THEMIS: variants seen among roughly 807,000 people sequenced by gnomAD.
THEMIS encodes protein THEMIS.
THEMIS carries 37 observed loss-of-function variants against 52.6 expected under a neutral mutation model. The observed-to-expected ratio is 0.70, with a 90% CI of 0.54 to 0.93. The LOEUF (loss-of-function observed/expected upper bound fraction) is 0.93. Ranked by LOEUF, THEMIS falls within the 40% of genes least tolerant of loss-of-function variation. The pLI is 0.00. For missense variants in THEMIS, 808 were observed against 763.1 expected, an observed-to-expected ratio of 1.06 and a Z score of -0.69; for synonymous variants, 292 against 272.7, an observed-to-expected ratio of 1.07 and a Z score of -0.70.
At position 127,800,292 on chromosome 6, in the gene THEMIS, T is replaced by C. The variant is rs577163553; in HGVS notation, c.1758+12591A>G. Among the ~76,000 whole-genome samples the C allele has an allele frequency of 2.0e-4, 31 of 152,120 alleles. No individual in the cohort carries two copies. In the South Asian group the frequency reaches 6.2e-3, roughly 31 times the overall value. On this transcript the variant is annotated intron_variant, in intron 4 of 5. Transcript: ENST00000368248. ...TAATATATTTCCTTTGTTCCTTATA[T>C]TTTGGACTTCCTCAGAAAAAAAATT...
intron 5 of THEMIS, among the ~76,000 whole-genome samples, chr6:127,713,459 A>G (rs1416514412): frequency 1.3e-5 from 2 of 151,890 alleles, no homozygotes; most frequent in Non-Finnish European, 2.9e-5. Flanking sequence ...ACACTTTCCT[A>G]TAACCTAAGG....
chr6:127,777,708 C>T (rs1039897689), intron 4 of THEMIS, among the ~76,000 whole-genome samples: 6 of 152,068 alleles, frequency 3.9e-5, no homozygotes, highest in East Asian at 3.8e-4. Flanking sequence ...GTTATCTTTA[C>T]GTTCTTTCAG....
Position 127,899,949 on chromosome 6 carries a change from C to T in THEMIS, c.91+893G>A, listed in dbSNP as rs73773941. On this transcript the variant is annotated intron_variant, in intron 1 of 5. Coordinates refer to ENST00000368248, the MANE Select transcript of THEMIS (RefSeq NM_001010923.3). Reference sequence around the variant, plus strand: ...TAATATATATAAAAACTGGAGCTGACGTGTTAATCTTTCTTTTACTTTGCA... The same window carrying T: ...TAATATATATAAAAACTGGAGCTGATGTGTTAATCTTTCTTTTACTTTGCA... Among the ~76,000 whole-genome samples the T allele has an allele frequency of 5.3e-3, 782 of 148,196 alleles. 6 individuals are homozygous for T. The highest frequency in any genetic ancestry group is 0.018 in the African/African-American group (740 of 40,632).
At chr6:127,739,429 C>T (rs1484029120) in intron 4 of THEMIS, among the ~76,000 whole-genome samples, 3 of 152,094 alleles carry the variant, frequency 2.0e-5, no homozygotes, top group Non-Finnish European at 1.5e-5. Context: ...AGGCGGATAA[C>T]GAGGTCAGGA....
chr6:127,853,663 C>T (rs1313477363), intron 2 of THEMIS, among the ~76,000 whole-genome samples: 3 of 151,652 alleles, frequency 2.0e-5, no homozygotes, highest in South Asian at 4.1e-4. Context: ...CTTTTCCTGA[C>T]TCCTCCAATG....
chr6:127,840,673 C>T (rs958591938), intron 2 of THEMIS, among the ~76,000 whole-genome samples: 3 of 152,054 alleles, frequency 2.0e-5, no homozygotes, highest in African/African-American at 7.2e-5. Flanking sequence ...CAGCCTTATT[C>T]GTAATTGCCA....
At chr6:127,757,286 T>C (rs1350919620) in intron 4 of THEMIS, among the ~76,000 whole-genome samples, 3 of 152,188 alleles carry the variant, frequency 2.0e-5, no homozygotes, top group Non-Finnish European at 4.4e-5. Flanking sequence ...TGGGTAAATA[T>C]ACAAATTTTT....
chr6:127,900,825 T>C lies in THEMIS; in HGVS notation c.91+17A>G, dbSNP rs1583411471. 6.2e-7 allele frequency: 1 copy of C among 1,602,234 alleles called. No individual in the cohort carries two copies. The highest frequency in any genetic ancestry group is 8.5e-7 in the Non-Finnish European group (1 of 1,169,660). ...ACAAGAATGTTCTAGCCAGTAAAGG[T>C]ATTGGAGAGTGCTTACCTTCAAGAT... On this transcript the variant is annotated intron_variant, in intron 1 of 5. Transcript: ENST00000368248.
intron 2 of THEMIS, among the ~76,000 whole-genome samples, chr6:127,846,752 A>G (rs1209181987): frequency 2.0e-5 from 3 of 151,876 alleles, no homozygotes; most frequent in Non-Finnish European, 4.4e-5. Context: ...TATTCCAAAA[A>G]AATAGAGAAA....
At chr6:127,773,066 C>CT (rs1776440940) in intron 4 of THEMIS, among the ~76,000 whole-genome samples, 1 of 152,080 alleles carries the variant, frequency 6.6e-6, no homozygotes, top group Admixed American at 6.5e-5. Flanking sequence ...ATCTAAGTAA[C>CT]TTTTTGCATG....
At chr6:127,763,727 T>C (rs578106561) in intron 4 of THEMIS, among the ~76,000 whole-genome samples, 48 of 151,952 alleles carry the variant, frequency 3.2e-4, no homozygotes, top group Non-Finnish European at 5.2e-4. Context: ...CTGAGATGTG[T>C]ATAATATAAG....
At chr6:127,847,074 A>T (rs1431339429) in intron 2 of THEMIS, among the ~76,000 whole-genome samples, 1 of 152,044 alleles carries the variant, frequency 6.6e-6, no homozygotes, top group Admixed American at 6.6e-5. Flanking sequence ...CATTTGATAA[A>T]ATTCAGCATC....
chr6:127,813,750 G>A lies in THEMIS; in HGVS notation c.891C>T (p.Pro297=), dbSNP rs749775947. The part of the protein sequence containing the change: ...VIEAPEGNHL[P]QSILQPGKTI... ...TTTTCCCAGGCTGTAAAATGCTTTG[G>A]GGCAGGTGGTTTCCTTCAGGTGCTT... is the stretch of plus-strand genomic sequence containing the variant. The change falls in exon 4 of 6, where the codon CCC becomes CCT. Residue 297 remains proline (P), a synonymous_variant. Coordinates refer to ENST00000368248, the MANE Select transcript of THEMIS (RefSeq NM_001010923.3). 3.7e-5 allele frequency: 60 copies of A among 1,613,838 alleles called. No homozygotes were observed. The South Asian group carries it at 6.3e-4, about 17-fold the overall frequency.
chr6:127,815,023 G>T (rs1396592182), intron 3 of THEMIS, among the ~76,000 whole-genome samples: 1 of 152,050 alleles, frequency 6.6e-6, no homozygotes, highest in African/African-American at 2.4e-5. Context: ...AGCTGAATCT[G>T]GTGGCATGTC....
At chr6:127,900,481 A>T (rs953728891) in intron 1 of THEMIS, among the ~76,000 whole-genome samples, 2 of 152,090 alleles carry the variant, frequency 1.3e-5, no homozygotes, top group African/African-American at 2.4e-5. Flanking sequence ...TTGTTTTAGC[A>T]AGCTAAATTT....
At chr6:127,913,503 T>C (rs566558703) in intron 1 of THEMIS, among the ~76,000 whole-genome samples, 2 of 152,262 alleles carry the variant, frequency 1.3e-5, no homozygotes. Context: ...ACTTGACATA[T>C]TTGTTGTATT....
intron 4 of THEMIS, among the ~76,000 whole-genome samples, chr6:127,776,209 G>C (rs1232363110): frequency 6.6e-6 from 1 of 152,088 alleles, no homozygotes; most frequent in African/African-American, 2.4e-5. Flanking sequence ...ATATTCTGTG[G>C]TAGGCAGTTT....
rs376853400 is a variant in THEMIS at position 127,844,145 on chromosome 6, T to C, written c.250+10885A>G. Among the ~76,000 whole-genome samples the C allele has an allele frequency of 3.7e-4, 56 of 152,132 alleles. No individual in the cohort carries two copies. The East Asian group carries it at 6.4e-3, about 17-fold the overall frequency. Reference sequence around the variant, plus strand: ...ACATATGAGGTTCATATTATATTTTTATTGGACAGTGCTAGGGCAGACTCA... The same window carrying C: ...ACATATGAGGTTCATATTATATTTTCATTGGACAGTGCTAGGGCAGACTCA... On this transcript the variant is annotated intron_variant, in intron 2 of 5. Transcript: ENST00000368248.
chr6:127,798,170 C>T (rs917585219), intron 4 of THEMIS, among the ~76,000 whole-genome samples: 5 of 152,152 alleles, frequency 3.3e-5, no homozygotes, highest in Non-Finnish European at 5.9e-5. Context: ...GATGAAAGTG[C>T]TCCTGATTTT....
Sources: allele counts gnomAD v4.1 joint callset (sites outside exome capture counted in the v4.1 genomes callset), GRCh38; gene constraint gnomAD v4.1.1; transcripts MANE v1.5; gene names NCBI Gene and HGNC (gene_info 2026-07-23, HGNC 2026-07-21).